The following BEND7 variants were observed in gnomAD, a reference collection of about 807,000 sequenced individuals.
BEND7 encodes BEN domain containing 7.
A neutral mutation model predicts 50.9 loss-of-function variants in BEND7; 28 were observed. The ratio of observed to expected loss-of-function variants is 0.55; its 90% CI spans 0.41 to 0.75. The LOEUF (loss-of-function observed/expected upper bound fraction) is 0.75, where lower values mean the gene tolerates loss of function less well. Ranked by LOEUF, BEND7 falls within the 30% of genes least tolerant of loss-of-function variation. The pLI is 0.00. For missense variants in BEND7, 477 were observed against 491.3 expected (o/e 0.97, Z 0.28); for synonymous variants, 170 against 183.9 (o/e 0.92, Z 0.61).
At chr10:13,513,132 CTTCTTA>C (rs1226561887) in intron 2 of BEND7, among the ~76,000 whole-genome samples, 1 of 152,282 alleles carries the variant, frequency 6.6e-6, no homozygotes, top group East Asian at 1.9e-4. Flanking sequence ...CTTTCTTCTT[CTTCTTA>C]TTGCTATTGT....
chr10:13,470,329 C>A (rs1309548841), intron 6 of BEND7, among the ~76,000 whole-genome samples: 1 of 152,236 alleles, frequency 6.6e-6, no homozygotes, highest in Non-Finnish European at 1.5e-5. Context: ...TCCACAACGG[C>A]AACAGTGCCC....
chr10:13,471,429 A>G lies in BEND7; in HGVS notation c.1063+9470T>C, dbSNP rs140512614. Among the ~76,000 whole-genome samples the G allele has an allele frequency of 1.9e-3, 293 of 152,372 alleles. 3 individuals carry two copies. In the Middle Eastern group the frequency reaches 0.024, roughly 12 times the overall value. On this transcript the variant is annotated intron_variant, in intron 6 of 8. Transcript: ENST00000466271. ...AAATGTCAACTGAACAAGTGTTTCA[A>G]ATATGCAATCAAGGGGACTTTAGCC...
chr10:13,516,894 A>G (rs1268298345), intron 2 of BEND7, among the ~76,000 whole-genome samples: 1 of 152,208 alleles, frequency 6.6e-6, no homozygotes, highest in African/African-American at 2.4e-5. Context: ...GCCAAAGACC[A>G]TTATATGTAA....
intron 2 of BEND7, among the ~76,000 whole-genome samples, chr10:13,512,499 A>G (rs548578874): frequency 6.6e-6 from 1 of 152,240 alleles, no homozygotes; most frequent in South Asian, 2.1e-4. Flanking sequence ...TTCATTCAAC[A>G]AGAAAATGTT....
At chr10:13,441,060 C>G (rs796667449), downstream of BEND7, 2 of 977,038 alleles carry the variant, frequency 2.0e-6, no homozygotes, top group Non-Finnish European at 1.2e-6. Flanking sequence ...ACAGGAAGAC[C>G]GGCACACAGG....
At chr10:13,500,357 TC>T (rs2077352039) in intron 2 of BEND7, among the ~76,000 whole-genome samples, 1 of 152,058 alleles carries the variant, frequency 6.6e-6, no homozygotes, top group Admixed American at 6.5e-5. Context: ...AACATGACAT[TC>T]CCTCTTTGGA....
At chr10:13,449,498 C>CTAG (rs1837216832) in intron 7 of BEND7, among the ~76,000 whole-genome samples, 1 of 152,150 alleles carries the variant, frequency 6.6e-6, no homozygotes, top group Non-Finnish European at 1.5e-5. Flanking sequence ...AGTAACAATG[C>CTAG]CAAGGACATG....
chr10:13,462,399 T>C (rs7905057), intron 6 of BEND7, among the ~76,000 whole-genome samples: 111,236 of 152,146 alleles, frequency 0.73, 41,157 homozygotes, highest in East Asian at 0.86. Context: ...GTGAGACTTA[T>C]TCACTACCAC....
chr10:13,523,750 C>G (rs1010337472), intron 2 of BEND7, among the ~76,000 whole-genome samples: 2 of 152,164 alleles, frequency 1.3e-5, no homozygotes, highest in Non-Finnish European at 2.9e-5. Flanking sequence ...CAAAAAATTC[C>G]TACTCTCAGA....
chr10:13,471,944 T>C (rs1046624679), intron 6 of BEND7, among the ~76,000 whole-genome samples: 3 of 147,644 alleles, frequency 2.0e-5, no homozygotes, highest in African/African-American at 5.1e-5. Context: ...GGGGTCGATA[T>C]CATCATCACT....
At chr10:13,462,216 C>A (rs1297540618) in intron 6 of BEND7, among the ~76,000 whole-genome samples, 5 of 152,080 alleles carry the variant, frequency 3.3e-5, no homozygotes, top group South Asian at 2.1e-4. Context: ...AAGACATACC[C>A]GAGACTGGGT....
chr10:13,492,641 G>T lies in BEND7; in HGVS notation c.807C>A (p.Phe269Leu), dbSNP rs760364855. 8.1e-6 allele frequency: 13 copies of T among 1,613,866 alleles called. No individual in the cohort carries two copies. The South Asian group carries it at 1.4e-4, about 18-fold the overall frequency. ...TSPEESRVLGFGIVLESPSSD... is the reference protein window; with the variant it reads ...TSPEESRVLGLGIVLESPSSD... ...AGGAAGGTGATTCCAGAACAATGCC[G>T]AATCCTAGAACGCGGCTCTCCTCCG... The change falls in exon 5 of 9, where the codon TTC becomes TTA. Residue 269 changes from phenylalanine (F) to leucine (L), a missense_variant. Physicochemically the swap from Phe to Leu is conservative, Grantham distance 22 (BLOSUM62 0). Coordinates refer to ENST00000466271, the MANE Select transcript of BEND7 (RefSeq NM_001369863.1).
At chr10:13,499,610 A>T in intron 3 of BEND7, 168 bp downstream of exon 3, 1 of 751,340 alleles carries the variant, frequency 1.3e-6, no homozygotes, top group Non-Finnish European at 2.0e-6. Context: ...TCTGTTTTTT[A>T]ATAGTCTTCA....
chr10:13,439,632 G>A, downstream of BEND7: 1 of 837,652 alleles, frequency 1.2e-6, no homozygotes, highest in East Asian at 2.7e-5. Flanking sequence ...CAGAAACTTG[G>A]TGTCAGCTTT....
chr10:13,441,864 C>A, intron 8 of BEND7, 114 bp from the exon 9 acceptor site: 2 of 1,058,970 alleles, frequency 1.9e-6, no homozygotes, highest in Non-Finnish European at 1.4e-6. Flanking sequence ...TCCTTGTAGC[C>A]CCCCAAAAGA....
intron 3 of BEND7, 40 bp from the exon 4 acceptor site, chr10:13,496,928 C>CAAAAAAAAAAAAAAAAAAAAACAAA: frequency 8.8e-7 from 1 of 1,132,122 alleles, no homozygotes; most frequent in Non-Finnish European, 1.1e-6. Context: ...CCAAACAAAC[C>CAAAAAAAAAAAAAAAAAAAAACAAA]AAAAAAAAAA....
At chr10:13,466,884 G>A (rs1047166106) in intron 6 of BEND7, among the ~76,000 whole-genome samples, 3 of 152,200 alleles carry the variant, frequency 2.0e-5, no homozygotes, top group African/African-American at 7.2e-5. Flanking sequence ...TCGCCAGGAG[G>A]TCTGGAATGA....
At chr10:13,468,363 TGGA>T (rs1402683489) in intron 6 of BEND7, among the ~76,000 whole-genome samples, 1 of 152,180 alleles carries the variant, frequency 6.6e-6, no homozygotes, top group Non-Finnish European at 1.5e-5. Context: ...CACGGCCCTG[TGGA>T]GAACAGCATA....
chr10:13,524,610 C>T (rs537994212), intron 2 of BEND7, among the ~76,000 whole-genome samples: 6 of 144,174 alleles, frequency 4.2e-5, no homozygotes, highest in Admixed American at 2.9e-4. Context: ...TGCCATTGCA[C>T]TCCAGCCTGG....
Sources: allele counts gnomAD v4.1 joint callset (sites outside exome capture counted in the v4.1 genomes callset), GRCh38; gene constraint gnomAD v4.1.1; transcripts MANE v1.5; gene names NCBI Gene and HGNC (gene_info 2026-07-23, HGNC 2026-07-21).